The following ELOVL6 variants were observed in gnomAD, a reference collection of about 807,000 sequenced individuals.
ELOVL6 encodes the protein very long chain fatty acid elongase 6.
Under a neutral mutation model 31.7 loss-of-function variants are expected in ELOVL6, and 8 were observed. That is an observed-to-expected ratio of 0.25 (90% CI 0.15 to 0.45). The LOEUF (loss-of-function observed/expected upper bound fraction) is 0.45. ELOVL6 is among the 20% of genes least tolerant of loss of function. The probability of loss-of-function intolerance (pLI) is 1.00; values close to 1 mark genes in which losing one functional copy is unlikely to be tolerated. For missense variants in ELOVL6, 126 were observed against 326.4 expected (o/e 0.39, Z 4.73); for synonymous variants, 101 against 117.7 (o/e 0.86, Z 0.92).
chr4:110,136,133 T>C (rs956308140), intron 1 of ELOVL6, among the ~76,000 whole-genome samples: 1 of 152,224 alleles, frequency 6.6e-6, no homozygotes, highest in African/African-American at 2.4e-5. Context: ...AAATTTCTTG[T>C]GTTATTTTGG....
At chr4:110,157,953 A>T (rs1402619972) in intron 1 of ELOVL6, among the ~76,000 whole-genome samples, 2 of 152,244 alleles carry the variant, frequency 1.3e-5, no homozygotes, top group Non-Finnish European at 2.9e-5. Flanking sequence ...AGGTACAAGA[A>T]GAATTAACTA....
intron 1 of ELOVL6, among the ~76,000 whole-genome samples, chr4:110,123,767 T>G (rs1757417875): frequency 6.6e-6 from 1 of 152,218 alleles, no homozygotes; most frequent in East Asian, 1.9e-4. Context: ...ATTTTGTCTT[T>G]GGAAAATTCA....
chr4:110,163,244 T>C (rs1023978764), intron 1 of ELOVL6, among the ~76,000 whole-genome samples: 1 of 152,182 alleles, frequency 6.6e-6, no homozygotes, highest in Non-Finnish European at 1.5e-5. Context: ...AGGGCTAACA[T>C]GGTCTTCTCA....
At chr4:110,134,685 G>A (rs1030891418) in intron 1 of ELOVL6, among the ~76,000 whole-genome samples, 7 of 152,188 alleles carry the variant, frequency 4.6e-5, no homozygotes, top group Non-Finnish European at 1.0e-4. Flanking sequence ...TGTGAACTGG[G>A]TGTGGTAGCT....
At chr4:110,169,206 C>T (rs2126272537) in intron 1 of ELOVL6, among the ~76,000 whole-genome samples, 1 of 151,030 alleles carries the variant, frequency 6.6e-6, no homozygotes, top group South Asian at 2.1e-4. Context: ...TGAGCCACTG[C>T]ACCCGACCCC....
chr4:110,059,360 G>A (rs1755078028), intron 3 of ELOVL6, among the ~76,000 whole-genome samples: 1 of 152,142 alleles, frequency 6.6e-6, no homozygotes, highest in Non-Finnish European at 1.5e-5. Flanking sequence ...TTTTAGTAGA[G>A]CTCGAAAATC....
At position 110,084,391 on chromosome 4, in the gene ELOVL6, T is replaced by TGATATATGACATATGACATAC. The variant is rs1560815167; in HGVS notation, c.221+21105_221+21106insGTATGTCATATGTCATATATC. Among the ~76,000 whole-genome samples the TGATATATGACATATGACATAC allele has an allele frequency of 3.1e-3, 331 of 107,768 alleles. 1 individual carries two copies. The highest frequency in any genetic ancestry group is 0.029 in the East Asian group (102 of 3,504). 70.7% of individuals were successfully genotyped at this position (107,768 alleles called of 152,430 possible). A position where few individuals can be genotyped will look rare whatever the true frequency, so the allele number is the denominator to read the frequency against. On this transcript the variant is annotated intron_variant, in intron 2 of 3. Coordinates refer to ENST00000302274, the MANE Select transcript of ELOVL6 (RefSeq NM_024090.3). ...TATGATATATGATATATATCGCATA[T>TGATATATGACATATGACATAC]ATGATATATGATATATGACATACAT...
At chr4:110,195,619 T>G (rs1759750244) in intron 1 of ELOVL6, among the ~76,000 whole-genome samples, 1 of 152,034 alleles carries the variant, frequency 6.6e-6, no homozygotes, top group Admixed American at 6.6e-5. Flanking sequence ...GTTCTTTGAC[T>G]GCAATAAGCA....
intron 2 of ELOVL6, among the ~76,000 whole-genome samples, chr4:110,094,677 G>A (rs998893838): frequency 6.6e-6 from 1 of 151,390 alleles, no homozygotes; most frequent in East Asian, 2.0e-4. Flanking sequence ...GGGCCAGGCT[G>A]TGTAGGGCTT....
intron 3 of ELOVL6, among the ~76,000 whole-genome samples, chr4:110,055,641 A>T (rs1474374459): frequency 6.6e-6 from 1 of 151,842 alleles, no homozygotes; most frequent in Non-Finnish European, 1.5e-5. Flanking sequence ...CAGAGAGGCT[A>T]CTCTGTGTGT....
chr4:110,080,721 A>AG (rs1359421187), intron 2 of ELOVL6, among the ~76,000 whole-genome samples: 1 of 152,158 alleles, frequency 6.6e-6, no homozygotes, highest in Non-Finnish European at 1.5e-5. Context: ...TATTCAACAT[A>AG]GTGTTGGAAG....
chr4:110,092,518 A>G (rs560614553), intron 2 of ELOVL6, among the ~76,000 whole-genome samples: 2 of 152,288 alleles, frequency 1.3e-5, no homozygotes, highest in Non-Finnish European at 2.9e-5. Flanking sequence ...CACTTTAAGG[A>G]CATGTGGACT....
At chr4:110,083,268 C>A (rs1025557629) in intron 2 of ELOVL6, among the ~76,000 whole-genome samples, 1 of 151,612 alleles carries the variant, frequency 6.6e-6, no homozygotes, top group South Asian at 2.1e-4. Context: ...TGATAATGGA[C>A]TAGGGATGAG....
chr4:110,131,712 C>A lies in ELOVL6; in HGVS notation c.90-26084G>T, dbSNP rs147195508. 1.5e-4 allele frequency among the ~76,000 whole-genome samples: 23 copies of A among 152,210 alleles called. No individual in the cohort carries two copies. In the East Asian group the frequency reaches 4.4e-3, roughly 29 times the overall value. On this transcript the variant is annotated intron_variant, in intron 1 of 3. Transcript: ENST00000302274. Reference sequence around the variant, plus strand: ...CCCAAGTATGAATATTAACAACAACCAAATGATTCTGTCATTGCCAGGAGG... The same window carrying A: ...CCCAAGTATGAATATTAACAACAACAAAATGATTCTGTCATTGCCAGGAGG...
chr4:110,074,708 G>A (rs769227452), intron 2 of ELOVL6, among the ~76,000 whole-genome samples: 6 of 152,160 alleles, frequency 3.9e-5, no homozygotes, highest in Non-Finnish European at 5.9e-5. Context: ...TGGGAGTACA[G>A]TGTGCTGTTT....
chr4:110,133,420 T>C (rs1392697148), intron 1 of ELOVL6, among the ~76,000 whole-genome samples: 1 of 152,206 alleles, frequency 6.6e-6, no homozygotes, highest in Admixed American at 6.5e-5. Context: ...ATGTTGCATT[T>C]CCTTACAAAT....
At chr4:110,081,130 G>T (rs1247994720) in intron 2 of ELOVL6, among the ~76,000 whole-genome samples, 1 of 152,082 alleles carries the variant, frequency 6.6e-6, no homozygotes, top group Non-Finnish European at 1.5e-5. Flanking sequence ...ATGCTCATGG[G>T]TAGGAAGAAT....
intron 1 of ELOVL6, among the ~76,000 whole-genome samples, chr4:110,193,863 G>A (rs757641623): frequency 6.6e-6 from 1 of 152,178 alleles, no homozygotes; most frequent in Non-Finnish European, 1.5e-5. Flanking sequence ...TGCCAGGAGA[G>A]GGGGAGGGTT....
chr4:110,058,191 T>C (rs555834310), intron 3 of ELOVL6, among the ~76,000 whole-genome samples: 1 of 152,148 alleles, frequency 6.6e-6, no homozygotes, highest in African/African-American at 2.4e-5. Flanking sequence ...TTAACATAAA[T>C]GCACTGAATG....
Sources: gnomAD v4.1 joint callset for allele counts (sites outside exome capture counted in the v4.1 genomes callset) on GRCh38, gnomAD v4.1.1 for gene constraint, MANE v1.5 for transcripts, NCBI Gene and HGNC (gene_info 2026-07-23, HGNC 2026-07-21) for gene names.